MLLT10: variants seen among roughly 807,000 people sequenced by gnomAD.
MLLT10 encodes MLLT10 histone lysine methyltransferase DOT1L cofactor, also known as protein AF-10.
MLLT10 carries 30 observed loss-of-function variants against 129.1 expected under a neutral mutation model. The ratio of observed to expected loss-of-function variants is 0.23; its 90% CI spans 0.17 to 0.32. The LOEUF is 0.32. Among genes scored for constraint, MLLT10 ranks in the 10% least tolerant of loss-of-function variants. The pLI, the probability that MLLT10 is intolerant of heterozygous loss-of-function variation, is 1.00. For synonymous variants in MLLT10, 490 were observed against 446.4 expected, an observed-to-expected ratio of 1.10 and a Z score of -1.23; for missense variants, 1,119 against 1,268.3, an observed-to-expected ratio of 0.88 and a Z score of 1.79.
At chr10:21,633,023 G>A (rs2047143974) in intron 8 of MLLT10, among the ~76,000 whole-genome samples, 1 of 152,138 alleles carries the variant, frequency 6.6e-6, no homozygotes, top group Admixed American at 6.5e-5. Context: ...TGCATATACA[G>A]TTAAAAGATG....
chr10:21,583,551 G>T (rs1466089224), intron 3 of MLLT10, among the ~76,000 whole-genome samples: 1 of 152,174 alleles, frequency 6.6e-6, no homozygotes. Flanking sequence ...TTGGTTCACA[G>T]TTCTGTAGGC....
At chr10:21,570,488 T>A (rs1180395301) in intron 3 of MLLT10, among the ~76,000 whole-genome samples, 1 of 152,154 alleles carries the variant, frequency 6.6e-6, no homozygotes, top group Non-Finnish European at 1.5e-5. Flanking sequence ...AAAGACTTTT[T>A]TTTTCTATAT....
chr10:21,625,163 T>A, intron 8 of MLLT10: 1 of 1,323,858 alleles, frequency 7.6e-7, no homozygotes, highest in Non-Finnish European at 1.1e-6. Flanking sequence ...GAGGGTGTAG[T>A]GATAATCTTC....
intron 13 of MLLT10, among the ~76,000 whole-genome samples, chr10:21,689,546 AATATATAT>A (rs370885697): frequency 9.2e-6 from 1 of 108,334 alleles, no homozygotes; most frequent in Non-Finnish European, 1.9e-5. Flanking sequence ...TGTGTAAAGT[AATATATAT>A]ATATATATAT....
intron 2 of MLLT10, among the ~76,000 whole-genome samples, chr10:21,537,272 C>G (rs988004028): frequency 1.3e-5 from 2 of 152,056 alleles, no homozygotes; most frequent in African/African-American, 4.8e-5. Flanking sequence ...GGGTAGTACT[C>G]TGTTTTGTGA....
intron 3 of MLLT10, chr10:21,556,673 T>C (rs1245446154): frequency 6.2e-6 from 10 of 1,612,370 alleles, no homozygotes; most frequent in Admixed American, 1.7e-5. Flanking sequence ...GTTAGCCTCA[T>C]CTGAAAACGT....
At chr10:21,690,841 T>C (rs2053783060) in intron 13 of MLLT10, among the ~76,000 whole-genome samples, 1 of 152,162 alleles carries the variant, frequency 6.6e-6, no homozygotes, top group African/African-American at 2.4e-5. Context: ...TCTTCTTTTG[T>C]GTTGATTCAG....
intron 9 of MLLT10, among the ~76,000 whole-genome samples, chr10:21,668,089 C>T (rs976543522): frequency 6.6e-6 from 1 of 152,106 alleles, no homozygotes; most frequent in Admixed American, 6.6e-5. Context: ...AAAGAACTTA[C>T]ATTTTTCAGT....
intron 13 of MLLT10, among the ~76,000 whole-genome samples, chr10:21,705,211 G>A (rs1313704265): frequency 6.6e-6 from 1 of 152,194 alleles, no homozygotes. Context: ...AGTGGACTGG[G>A]CAGGCCAGTC....
intron 3 of MLLT10, among the ~76,000 whole-genome samples, chr10:21,580,403 T>TC (rs1218313697): frequency 1.3e-5 from 2 of 151,116 alleles, no homozygotes; most frequent in Non-Finnish European, 3.0e-5. Context: ...TTTTTTTTTT[T>TC]TTCGAGATGG....
rs756287916 is a variant in MLLT10, at chr10:21,673,408, T to A, written c.1110T>A (p.Ser370=). 18 of 1,550,208 alleles carry A rather than the reference T, an allele frequency of 1.2e-5. No individual in the cohort carries two copies. Among genetic ancestry groups the A allele is most frequent in the Middle Eastern group, 1.7e-4 (1 of 5,716 alleles). Residue 370 remains serine, a synonymous_variant, in exon 11 of 23, where the codon TCT becomes TCA. Coordinates refer to ENST00000307729, the MANE Select transcript of MLLT10 (RefSeq NM_001195626.3). ...VKSSSGSSVQ[S]PQDFLSFTDS... ...CATCTTCTGGAAGTTCAGTGCAGTC[T>A]CCCCAGGATTTCCTGAGCTTTACAG...
intron 13 of MLLT10, among the ~76,000 whole-genome samples, chr10:21,700,194 C>T (rs937036282): frequency 6.6e-6 from 1 of 150,640 alleles, no homozygotes; most frequent in Non-Finnish European, 1.5e-5. Context: ...TATATAGAAA[C>T]AGTACTGGTT....
intron 14 of MLLT10, among the ~76,000 whole-genome samples, chr10:21,714,891 T>G (rs2056416576): frequency 6.6e-6 from 1 of 152,164 alleles, no homozygotes. Flanking sequence ...AAGAGGACAG[T>G]GCAGGGGGAA....
chr10:21,568,127 G>C (rs141011933), intron 3 of MLLT10, among the ~76,000 whole-genome samples: 1 of 152,116 alleles, frequency 6.6e-6, no homozygotes, highest in Non-Finnish European at 1.5e-5. Context: ...CTTGTTGGGG[G>C]TTCTTTTATT....
At chr10:21,583,933 G>A (rs1427365650) in intron 3 of MLLT10, among the ~76,000 whole-genome samples, 2 of 151,560 alleles carry the variant, frequency 1.3e-5, no homozygotes, top group East Asian at 1.9e-4. Context: ...GCAGTGACGC[G>A]ATCTCGGCTC....
intron 11 of MLLT10, among the ~76,000 whole-genome samples, chr10:21,679,533 C>G (rs537254366): frequency 3.3e-5 from 5 of 152,080 alleles, no homozygotes; most frequent in African/African-American, 1.2e-4. Context: ...AAAAATCAGA[C>G]CTTGGTGATG....
intron 3 of MLLT10, among the ~76,000 whole-genome samples, chr10:21,547,104 A>AG (rs566135258): frequency 4.7e-4 from 72 of 152,218 alleles, no homozygotes; most frequent in African/African-American, 1.7e-3. Context: ...TCCTGACCTC[A>AG]GGTAATCCTC....
intron 5 of MLLT10, among the ~76,000 whole-genome samples, chr10:21,611,086 T>G (rs566346668): frequency 8.7e-4 from 124 of 142,052 alleles, no homozygotes; most frequent in Non-Finnish European, 1.5e-3. Context: ...AACTTCCACC[T>G]CCCTGGTTCA....
intron 21 of MLLT10, among the ~76,000 whole-genome samples, chr10:21,736,754 G>A (rs901569330): frequency 5.3e-5 from 8 of 152,206 alleles, no homozygotes; most frequent in African/African-American, 1.4e-4. Context: ...CTCTTTAGAT[G>A]TACAAGTCAA....
Sources: gnomAD v4.1 joint callset for allele counts (sites outside exome capture counted in the v4.1 genomes callset) on GRCh38, gnomAD v4.1.1 for gene constraint, MANE v1.5 for transcripts, NCBI Gene and HGNC (gene_info 2026-07-23, HGNC 2026-07-21) for gene names.